Variants in RYR3 observed in about 807,000 individuals in gnomAD.
RYR3 encodes the protein ryanodine receptor 3, also known as brain ryanodine receptor-calcium release channel.
RYR3 carries 207 observed loss-of-function variants against 584.3 expected under a neutral mutation model. That is an observed-to-expected ratio of 0.35 (90% CI 0.32 to 0.40). The LOEUF is 0.40. Ranked by LOEUF, RYR3 falls within the 10% of genes least tolerant of loss-of-function variation. The pLI, the probability that RYR3 is intolerant of heterozygous loss-of-function variation, is 1.00. For missense variants in RYR3, 5,616 were observed against 6,089.2 expected (o/e 0.92, Z 2.59); for synonymous variants, 2,416 against 2,248.5 (o/e 1.07, Z -2.11).
At position 33,460,940 on chromosome 15, in the gene RYR3, C is replaced by CTTTTTTTTTT. The variant is rs66742049; in HGVS notation, c.52-12466_52-12457dup. On this transcript the variant is annotated intron_variant, in intron 1 of 103. Coordinates refer to ENST00000634891, the MANE Select transcript of RYR3 (RefSeq NM_001036.6). ...GGAATTTGTGGCACATAATATCCAC[C>CTTTTTTTTTT]TTTTTTTTTTTTTTTTTTTTTTAAG... 2.4e-3 allele frequency among the ~76,000 whole-genome samples: 188 copies of CTTTTTTTTTT among 79,190 alleles called. 28 individuals are homozygous for CTTTTTTTTTT. Among genetic ancestry groups the CTTTTTTTTTT allele is most frequent in the African/African-American group, 3.6e-3 (62 of 17,464 alleles). 52.0% of individuals were successfully genotyped at this position (79,190 alleles called of 152,430 possible).
chr15:33,682,909 G>T (rs753673238), intron 38 of RYR3, among the ~76,000 whole-genome samples: 1 of 152,050 alleles, frequency 6.6e-6, no homozygotes, highest in Non-Finnish European at 1.5e-5. Flanking sequence ...AGAGTAAGAC[G>T]GGCCATACCT....
intron 3 of RYR3, among the ~76,000 whole-genome samples, chr15:33,511,506 T>A (rs1190334231): frequency 6.6e-6 from 1 of 152,082 alleles, no homozygotes; most frequent in Non-Finnish European, 1.5e-5. Context: ...AATATACATG[T>A]ACTTTGCATG....
In RYR3 at chr15:33,821,587, T is replaced by C. The variant is rs2077109678; in HGVS notation, c.10980T>C (p.Asn3660=). 1.9e-6 allele frequency: 3 copies of C among 1,613,948 alleles called. No homozygotes were observed. Among genetic ancestry groups the C allele is most frequent in the Non-Finnish European group, 1.7e-6 (2 of 1,179,872 alleles). The change falls in exon 80 of 104, where the codon AAT becomes AAC. Residue 3660 remains asparagine (N), a synonymous_variant. Transcript: ENST00000634891. ...GGATCGCCATTCTGAACGGAGGCAA[T>C]GCTGGTGTGCAACAGGTAACGGGAA... The part of the protein sequence containing the change: ...KLGIAILNGG[N]AGVQQKMLDY...
chr15:33,610,591 A>T (rs2060133085), intron 18 of RYR3, among the ~76,000 whole-genome samples: 1 of 152,124 alleles, frequency 6.6e-6, no homozygotes, highest in Non-Finnish European at 1.5e-5. Context: ...TTTTTTATTA[A>T]TTAAAAAGAG....
chr15:33,611,510 T>A (rs2060183790), intron 18 of RYR3, among the ~76,000 whole-genome samples: 1 of 151,534 alleles, frequency 6.6e-6, no homozygotes, highest in African/African-American at 2.4e-5. Flanking sequence ...GAGCCCAGAT[T>A]GTGCCACTGC....
intron 1 of RYR3, 174 bp from the exon 2 acceptor site, chr15:33,473,245 C>A: frequency 1.3e-6 from 1 of 798,062 alleles, no homozygotes; most frequent in Non-Finnish European, 2.2e-6. Context: ...GGTAGATGCT[C>A]CGTGATGTCC....
chr15:33,677,455 T>G (rs1194396126), intron 38 of RYR3, among the ~76,000 whole-genome samples: 1 of 152,226 alleles, frequency 6.6e-6, no homozygotes, highest in Non-Finnish European at 1.5e-5. Context: ...CTGTCCTCAC[T>G]GTGCTCTTTT....
chr15:33,639,500 G>A (rs987391717), intron 27 of RYR3, among the ~76,000 whole-genome samples: 1 of 152,186 alleles, frequency 6.6e-6, no homozygotes, highest in Non-Finnish European at 1.5e-5. Flanking sequence ...CTTGCCTTGA[G>A]TTGTTAAGAA....
chr15:33,660,293 G>A lies in RYR3; in HGVS notation c.4492G>A (p.Val1498Met), dbSNP rs375515948. 18 of 1,569,040 alleles carry A rather than the reference G, an allele frequency of 1.1e-5. No homozygotes were observed. The highest frequency in any genetic ancestry group is 2.7e-5 in the African/African-American group (2 of 73,926). ...GCTGGACGTCCAAACCATCCAGCCC[G>A]TGCTCTGGAGCCGCATGCCCAACAG... ...PRLDVQTIQP[V>M]LWSRMPNSFL... Residue 1498 changes from valine to methionine, a missense_variant, in exon 34 of 104, where the codon GTG (valine) becomes ATG (methionine). Physicochemically the swap from Val to Met is conservative, Grantham distance 21. Around this residue, in one of 9 missense-constraint regions of RYR3, gnomAD observed 753 missense variants for 741.0 expected, o/e 1.02. Transcript: ENST00000634891.
chr15:33,434,506 A>G (rs570361569), intron 1 of RYR3, among the ~76,000 whole-genome samples: 3 of 152,356 alleles, frequency 2.0e-5, no homozygotes, highest in African/African-American at 7.2e-5. Flanking sequence ...GAACAATATT[A>G]ACCAATTTCA....
chr15:33,630,246 A>G (rs1489579900), intron 22 of RYR3, among the ~76,000 whole-genome samples: 1 of 152,156 alleles, frequency 6.6e-6, no homozygotes, highest in African/African-American at 2.4e-5. Context: ...ACCATTTGCT[A>G]TTTGCTAGGG....
intron 77 of RYR3, 110 bp downstream of exon 77, chr15:33,819,917 C>A: frequency 1.3e-6 from 1 of 756,164 alleles, no homozygotes; most frequent in Non-Finnish European, 2.1e-6. Flanking sequence ...TTTGTCATGA[C>A]ATAGGTTTCA....
chr15:33,546,921 C>A (rs191512305), intron 8 of RYR3, among the ~76,000 whole-genome samples: 7 of 152,204 alleles, frequency 4.6e-5, no homozygotes, highest in Non-Finnish European at 7.3e-5. Context: ...CATACAAATT[C>A]TCTACGGTGG....
chr15:33,440,480 C>A (rs1324535634), intron 1 of RYR3, among the ~76,000 whole-genome samples: 3 of 152,262 alleles, frequency 2.0e-5, no homozygotes, highest in African/African-American at 7.2e-5. Flanking sequence ...TAGGTAGTGC[C>A]TGGAGATGTT....
chr15:33,768,762 C>T (rs1425588598), intron 61 of RYR3, 55 bp downstream of exon 61: 7 of 1,549,990 alleles, frequency 4.5e-6, no homozygotes, highest in Middle Eastern at 3.4e-4. Flanking sequence ...CTTGAACTTG[C>T]ACTTTGCCTT....
At chr15:33,813,090 A>C in intron 73 of RYR3, 96 bp downstream of exon 73, 1 of 1,483,194 alleles carries the variant, frequency 6.7e-7, no homozygotes, top group Non-Finnish European at 9.2e-7. Flanking sequence ...AAGTGCCCTC[A>C]TAAGACTGAG....
intron 3 of RYR3, among the ~76,000 whole-genome samples, chr15:33,518,462 C>A (rs1295465737): frequency 6.6e-6 from 1 of 151,952 alleles, no homozygotes; most frequent in Non-Finnish European, 1.5e-5. Flanking sequence ...GCTGGCCGCT[C>A]CCCCTCCTCT....
chr15:33,491,503 G>A (rs979099935), intron 2 of RYR3, among the ~76,000 whole-genome samples: 1 of 152,174 alleles, frequency 6.6e-6, no homozygotes, highest in African/African-American at 2.4e-5. Flanking sequence ...TTGAGGTGTG[G>A]CATTGCTCCA....
intron 27 of RYR3, among the ~76,000 whole-genome samples, chr15:33,639,700 T>C (rs878944381): frequency 5.9e-5 from 9 of 152,176 alleles, no homozygotes; most frequent in Admixed American, 2.0e-4. Context: ...TGGGGACAGA[T>C]ATTGTAGTTC....
Sources: allele counts gnomAD v4.1 joint callset (sites outside exome capture counted in the v4.1 genomes callset), GRCh38; gene constraint gnomAD v4.1.1; regional missense constraint gnomAD v4.1.1; transcripts MANE v1.5; gene names NCBI Gene and HGNC (gene_info 2026-07-23, HGNC 2026-07-21).